Variants in MSH6 observed in about 807,000 individuals in gnomAD.
MSH6 encodes mutS homolog 6.
In MSH6, 85 loss-of-function variants were observed where a neutral mutation model predicts 119.1. That is an observed-to-expected ratio of 0.71 (90% CI 0.60 to 0.85). The LOEUF (loss-of-function observed/expected upper bound fraction) is 0.85, where lower values mean the gene tolerates loss of function less well. Among genes scored for constraint, MSH6 ranks in the 40% least tolerant of loss-of-function variants. The pLI is 0.00. For missense variants in MSH6, 2,163 were observed against 1,655.3 expected (o/e 1.31, Z -5.32); for synonymous variants, 830 against 586.9 (o/e 1.41, Z -5.99).
chr2:47,806,148 CCTTTTTT>C, intron 7 of MSH6, 49 bp from the exon 8 acceptor site: 3 of 1,263,668 alleles, frequency 2.4e-6, no homozygotes, highest in Non-Finnish European at 3.4e-6. Flanking sequence ...TGTTTTAATT[CCTTTTTT>C]GTTTTAATTC....
Position 47,800,973 on chromosome 2 carries a change from A to C in MSH6, c.2990A>C (p.Lys997Thr). 1 of 1,561,460 alleles carries C rather than the reference A, an allele frequency of 6.4e-7. No homozygotes were observed. The highest frequency in any genetic ancestry group is 8.6e-7 in the Non-Finnish European group (1 of 1,156,590). ...TRNLPEEYEL[K>T]STKKGCKRYW... is the part of the protein sequence containing the mutation. The stretch of plus-strand genomic sequence containing the variant: ...AATTTGCCAGAAGAATACGAGTTGA[A>C]ATCTACCAAGAAGGGCTGTAAACGA... Residue 997 changes from lysine to threonine, a missense_variant, in exon 4 of 10, where the codon AAA becomes ACA. Lys to Thr is a moderately conservative substitution (Grantham distance 78). Coordinates refer to ENST00000234420, the MANE Select transcript of MSH6 (RefSeq NM_000179.3).
intron 1 of MSH6, among the ~76,000 whole-genome samples, chr2:47,788,499 C>T (rs1167270855): frequency 1.3e-5 from 2 of 149,678 alleles, no homozygotes; most frequent in Non-Finnish European, 3.0e-5. Flanking sequence ...GTGATCAACC[C>T]GCCTTGGCCT....
At chr2:47,806,692 T>TAA (rs1553333833) in intron 9 of MSH6, 41 bp downstream of exon 9, 2 of 1,590,170 alleles carry the variant, frequency 1.3e-6, no homozygotes, top group Non-Finnish European at 8.6e-7. Flanking sequence ...TAACTGACCT[T>TAA]AAGTTTCAAA....
chr2:47,794,076 C>G (rs1426718812), intron 2 of MSH6, among the ~76,000 whole-genome samples: 1 of 150,368 alleles, frequency 6.7e-6, no homozygotes, highest in South Asian at 2.2e-4. Flanking sequence ...AGTGGTGGCT[C>G]ACGCCTGTAA....
In MSH6 at chr2:47,800,516, T is replaced by G. The variant is rs2104411281; in HGVS notation, c.2533T>G (p.Tyr845Asp). The G allele has an allele frequency of 6.2e-7, 1 of 1,613,126 alleles. No individual in the cohort carries two copies. The highest frequency in any genetic ancestry group is 8.5e-7 in the Non-Finnish European group (1 of 1,179,754). The change falls in exon 4 of 10, where the codon TAT becomes GAT. Residue 845 changes from tyrosine (Y) to aspartate (D), a missense_variant. Tyr to Asp is a radical substitution (Grantham distance 160, BLOSUM62 -3). Transcript: ENST00000234420. ...CCACCCAGACAGCAGGGCTATAATG[T>G]ATGAAGAAACTACATACAGCAAGAA... ...QNHPDSRAIM[Y>D]EETTYSKKKI...
downstream of MSH6, chr2:47,808,108 GGGAA>G (rs1670352670): frequency 6.3e-7 from 1 of 1,594,622 alleles, no homozygotes; most frequent in African/African-American, 1.4e-5. Flanking sequence ...TTTTTCTTTA[GGGAA>G]GGAATTCAGT....
chr2:47,805,573 T>C (rs773387112), intron 6 of MSH6, 45 bp from the exon 7 acceptor site: 4 of 1,264,304 alleles, frequency 3.2e-6, no homozygotes, highest in Non-Finnish European at 4.6e-6. Context: ...TTATGTAATA[T>C]GATTTGCAAA....
rs1169738471 is a variant in MSH6, at chr2:47,788,235, ATTCT to A, written c.261-2681_261-2678del. Among the ~76,000 whole-genome samples, 24 of 101,944 alleles carry A rather than the reference ATTCT, an allele frequency of 2.4e-4. No homozygotes were observed. The South Asian group carries it at 3.2e-3, about 13-fold the overall frequency. The allele number at this position is 101,944 out of a possible 152,430, so 66.9% of individuals were successfully genotyped here. On this transcript the variant is annotated intron_variant, in intron 1 of 9. Transcript: ENST00000234420. ...AGCTTACTGCTATTTCTTTTCTTTC[ATTCT>A]TTCTTTCTTTTTTTTTTTTTTTTTT...
At chr2:47,805,795 C>A in intron 7 of MSH6, 88 bp downstream of exon 7, 1 of 1,069,624 alleles carries the variant, frequency 9.3e-7, no homozygotes, top group Non-Finnish European at 1.5e-6. Context: ...ATCTGAAGTA[C>A]ATTTAAACAA....
intron 4 of MSH6, 68 bp from the exon 5 acceptor site, chr2:47,803,352 C>G (rs1392388894): frequency 2.5e-6 from 4 of 1,592,054 alleles, no homozygotes; most frequent in African/African-American, 2.7e-5. Context: ...TAAAGAAGAC[C>G]TATAAAACAC....
In MSH6 at chr2:47,783,281, G is replaced by A. The variant is rs1250671114; in HGVS notation, c.48G>A (p.Ala16=). 4.3e-6 allele frequency: 7 copies of A among 1,612,016 alleles called. No homozygotes were observed. The highest frequency in any genetic ancestry group is 5.9e-6 in the Non-Finnish European group (7 of 1,179,570). Residue 16 remains alanine (A), a synonymous_variant, in exon 1 of 10, where the codon GCG becomes GCA. Coordinates refer to ENST00000234420, the MANE Select transcript of MSH6 (RefSeq NM_000179.3). ...TLYSFFPKSP[A]LSDANKASAR... ...ACAGCTTCTTCCCCAAGTCTCCGGCGCTGAGTGATGCCAACAAGGCCTCGG... is the reference window on the plus strand; with the variant it reads ...ACAGCTTCTTCCCCAAGTCTCCGGCACTGAGTGATGCCAACAAGGCCTCGG...
chr2:47,802,404 C>T (rs1669655530), intron 4 of MSH6, among the ~76,000 whole-genome samples: 1 of 152,066 alleles, frequency 6.6e-6, no homozygotes, highest in African/African-American at 2.4e-5. Context: ...ATGACTAGCT[C>T]ACTGCAGCCT....
At chr2:47,788,930 T>TTTTTG (rs1558650260) in intron 1 of MSH6, among the ~76,000 whole-genome samples, 1 of 92,722 alleles carries the variant, frequency 1.1e-5, no homozygotes, top group Non-Finnish European at 2.1e-5. Context: ...TTGTTTTTTT[T>TTTTTG]TTTTTTTTTT....
chr2:47,808,304 TATATC>T (rs747498252), downstream of MSH6: 21 of 1,612,412 alleles, frequency 1.3e-5, no homozygotes, highest in South Asian at 8.8e-5. Context: ...AATTGGGTAA[TATATC>T]AAGCAAGTGT....
In MSH6 at chr2:47,793,318, CAAAA is replaced by C. The variant is rs34250836; in HGVS notation, c.457+2221_457+2224del. On this transcript the variant is annotated intron_variant, in intron 2 of 9. Coordinates refer to ENST00000234420, the MANE Select transcript of MSH6 (RefSeq NM_000179.3). ...CCTGGGTGACAGAGCGAGACTGTCT[CAAAA>C]AAAAAAAAAAAAAAAAAAAAAAAAA... Among the ~76,000 whole-genome samples, 12 of 48,810 alleles carry C rather than the reference CAAAA, an allele frequency of 2.5e-4. No individual in the cohort carries two copies. In the South Asian group the frequency reaches 5.7e-3, roughly 23 times the overall value. 32.0% of individuals were successfully genotyped at this position (48,810 alleles called of 152,430 possible).
At chr2:47,802,437 T>A (rs1184577994) in intron 4 of MSH6, among the ~76,000 whole-genome samples, 1 of 152,096 alleles carries the variant, frequency 6.6e-6, no homozygotes, top group Non-Finnish European at 1.5e-5. Flanking sequence ...TTCAAGTGAT[T>A]CTCCTTCCTC....
At chr2:47,801,567 C>CT (rs1375720763) in intron 4 of MSH6, among the ~76,000 whole-genome samples, 1 of 151,966 alleles carries the variant, frequency 6.6e-6, no homozygotes, top group Non-Finnish European at 1.5e-5. Context: ...TGGGGTCTCA[C>CT]TGTGTTGCCA....
downstream of MSH6, chr2:47,808,934 T>C (rs1670420718): frequency 2.5e-6 from 1 of 399,636 alleles, no homozygotes; most frequent in South Asian, 4.1e-5. Flanking sequence ...TGGGCTCCAG[T>C]GATCCTCCCA....
intron 5 of MSH6, among the ~76,000 whole-genome samples, chr2:47,804,652 GTT>G (rs1407789291): frequency 2.6e-5 from 4 of 152,228 alleles, no homozygotes; most frequent in Middle Eastern, 3.4e-3. Flanking sequence ...TCTGGCCAGC[GTT>G]GAGAATCACT....
Sources: allele counts gnomAD v4.1 joint callset (sites outside exome capture counted in the v4.1 genomes callset), GRCh38; gene constraint gnomAD v4.1.1; transcripts MANE v1.5; gene names NCBI Gene and HGNC (gene_info 2026-07-23, HGNC 2026-07-21).